Variants in BCLAF3 observed in about 807,000 individuals in gnomAD.
BCLAF3 encodes BCLAF1 and THRAP3 family member 3.
Under a neutral mutation model 51.2 loss-of-function variants are expected in BCLAF3, and 24 were observed. That is an observed-to-expected ratio of 0.47 (90% confidence interval 0.34 to 0.66). The LOEUF (loss-of-function observed/expected upper bound fraction) is 0.66. Among genes scored for constraint, BCLAF3 ranks in the 30% least tolerant of loss-of-function variants. The pLI is 0.01. For missense variants in BCLAF3, 465 were observed against 525.1 expected, an observed-to-expected ratio of 0.89 and a Z score of 1.12; for synonymous variants, 152 against 176.6, an observed-to-expected ratio of 0.86 and a Z score of 1.10.
chrX:19,948,699 G>A (rs1308422763), intron 8 of BCLAF3, among the ~76,000 whole-genome samples: 3 of 109,426 alleles, frequency 2.7e-5, no homozygotes, highest in Non-Finnish European at 3.8e-5. Context: ...TGAGCCTCAC[G>A]GAAGGTTGAG....
chrX:19,976,587 C>T (rs2072433300), intron 1 of BCLAF3, among the ~76,000 whole-genome samples: 1 of 111,199 alleles, frequency 9.0e-6, no homozygotes, highest in Non-Finnish European at 1.9e-5. Flanking sequence ...GACGAGGTTT[C>T]ACCACGTTGG....
At chrX:19,925,414 T>C (rs1262722158) in intron 11 of BCLAF3, among the ~76,000 whole-genome samples, 1 of 111,088 alleles carries the variant, frequency 9.0e-6, no homozygotes, top group African/African-American at 3.3e-5. Context: ...CTTTAAGGCA[T>C]ATGGGAATAA....
chrX:19,956,540 C>T lies in BCLAF3; in HGVS notation c.1275-974G>A, dbSNP rs374826198. Among the ~76,000 whole-genome samples, 4 of 111,826 alleles carry T rather than the reference C, an allele frequency of 3.6e-5. No individual in the cohort carries two copies. The South Asian group carries it at 1.5e-3, about 42-fold the overall frequency. ...ACTATACCTTATTCCAAGAATGCTGCACTTGCTTAAAACTACTCAGAAATG... is the reference window on the plus strand; with the variant it reads ...ACTATACCTTATTCCAAGAATGCTGTACTTGCTTAAAACTACTCAGAAATG... On this transcript the variant is annotated intron_variant, in intron 4 of 11. Coordinates refer to ENST00000379682, the MANE Select transcript of BCLAF3 (RefSeq NM_001367774.2).
At position 19,966,522 on chromosome X, in the gene BCLAF3, C is replaced by T. The variant is rs1221888499; in HGVS notation, c.169G>A (p.Gly57Arg). 3.3e-6 allele frequency: 4 copies of T among 1,209,134 alleles called. No individual in the cohort carries two copies. The highest frequency in any genetic ancestry group is 5.9e-5 in the East Asian group (2 of 33,751). The change falls in exon 3 of 12, where the codon GGA (glycine) becomes AGA (arginine). Residue 57 changes from glycine to arginine, a missense_variant. Physicochemically the swap from Gly to Arg is moderately radical, Grantham distance 125. Coordinates refer to ENST00000379682, the MANE Select transcript of BCLAF3 (RefSeq NM_001367774.2). ...VAWRMDSEKH[G>R]QSKPRIPSRG... ...GAGGGAATCCTTGGTTTACTCTGTC[C>T]ATGTTTCTCACTGTCCATTCTCCAC...
intron 1 of BCLAF3, among the ~76,000 whole-genome samples, chrX:19,978,623 G>A (rs1038117666): frequency 1.8e-5 from 2 of 112,262 alleles, no homozygotes; most frequent in Non-Finnish European, 3.8e-5. Flanking sequence ...TTATAAAAAA[G>A]GATTTAGAAT....
intron 8 of BCLAF3, among the ~76,000 whole-genome samples, chrX:19,939,721 T>C (rs1011996564): frequency 8.9e-6 from 1 of 112,396 alleles, no homozygotes; most frequent in Non-Finnish European, 1.9e-5. Flanking sequence ...TGGAATATTA[T>C]TCAGCCTTAA....
chrX:19,951,320 G>A (rs993139255), intron 7 of BCLAF3, among the ~76,000 whole-genome samples: 5 of 111,057 alleles, frequency 4.5e-5, no homozygotes, highest in East Asian at 2.8e-4. Flanking sequence ...TAATTAGGCC[G>A]GGCGCAGTGG....
intron 11 of BCLAF3, among the ~76,000 whole-genome samples, chrX:19,920,614 G>A (rs776531271): frequency 9.0e-5 from 10 of 111,081 alleles, no homozygotes; most frequent in African/African-American, 2.9e-4. Context: ...GAGCCCAGGA[G>A]TTCGAGACCA....
intron 4 of BCLAF3, among the ~76,000 whole-genome samples, chrX:19,957,023 G>A (rs1239119596): frequency 8.9e-6 from 1 of 111,915 alleles, no homozygotes; most frequent in Non-Finnish European, 1.9e-5. Context: ...CTAATAAAAT[G>A]GTTTTGAGTG....
chrX:19,941,495 G>C (rs1603307752), intron 8 of BCLAF3, among the ~76,000 whole-genome samples: 1 of 103,890 alleles, frequency 9.6e-6, no homozygotes, highest in Non-Finnish European at 1.9e-5. Flanking sequence ...CATATGGCTA[G>C]CCAGTTTTCC....
In BCLAF3 at chrX:19,973,397, GA is replaced by G. The variant is rs766538775; in HGVS notation, c.-34-3100del. The stretch of plus-strand genomic sequence containing the variant: ...TATCAGTTTTATTTATAATAGGAAA[GA>G]AAAAAAGCTCAAGAAAACTAATAAC... On this transcript the variant is annotated intron_variant, in intron 1 of 11. Coordinates refer to ENST00000379682, the MANE Select transcript of BCLAF3 (RefSeq NM_001367774.2). Among the ~76,000 whole-genome samples the G allele has an allele frequency of 1.9e-4, 21 of 111,315 alleles. No individual in the cohort carries two copies. In the East Asian group the frequency reaches 2.8e-3, roughly 15 times the overall value.
chrX:19,971,016 A>C (rs1034119784), intron 1 of BCLAF3, among the ~76,000 whole-genome samples: 1 of 112,497 alleles, frequency 8.9e-6, no homozygotes, highest in Non-Finnish European at 1.9e-5. Context: ...ATCACAGTTT[A>C]AATGTTTAGG....
intron 4 of BCLAF3, 35 bp downstream of exon 4, chrX:19,965,006 CATT>C: frequency 9.6e-7 from 1 of 1,040,027 alleles, no homozygotes; most frequent in Non-Finnish European, 1.3e-6. Context: ...ATTGTAGAAA[CATT>C]ATTAAATATC....
intron 11 of BCLAF3, among the ~76,000 whole-genome samples, chrX:19,926,223 C>T (rs1012530631): frequency 1.8e-5 from 2 of 111,612 alleles, no homozygotes; most frequent in African/African-American, 3.3e-5. Context: ...TGTGTTGAGA[C>T]ACTGCTAATG....
chrX:19,940,517 G>A (rs1228110807), intron 8 of BCLAF3, among the ~76,000 whole-genome samples: 17 of 110,228 alleles, frequency 1.5e-4, no homozygotes, highest in South Asian at 3.8e-4. Context: ...GAGAATATGC[G>A]GTGTTTGGTT....
intron 11 of BCLAF3, among the ~76,000 whole-genome samples, chrX:19,918,678 C>A (rs148542247): frequency 0.023 from 2,431 of 106,106 alleles, 88 homozygotes; most frequent in African/African-American, 0.08. Flanking sequence ...GTAGCTGGGA[C>A]TACAGGCACA....
At chrX:19,982,962 T>C (rs1259033563) in intron 1 of BCLAF3, among the ~76,000 whole-genome samples, 1 of 97,731 alleles carries the variant, frequency 1.0e-5, no homozygotes, top group East Asian at 3.2e-4. Context: ...TTTTTTCTTT[T>C]TTTTTTTTTT....
intron 10 of BCLAF3, 191 bp downstream of exon 10, chrX:19,935,618 G>A: frequency 2.8e-6 from 1 of 363,446 alleles, no homozygotes; most frequent in East Asian, 4.3e-5. Flanking sequence ...AAAAAAAATT[G>A]AAAATCAAGT....
chrX:19,970,918 A>C (rs2072235408), intron 1 of BCLAF3, among the ~76,000 whole-genome samples: 1 of 111,689 alleles, frequency 9.0e-6, no homozygotes, highest in Non-Finnish European at 1.9e-5. Context: ...GTATTCCAAA[A>C]AGAGGAAAAA....
Sources: gnomAD v4.1 joint callset for allele counts (sites outside exome capture counted in the v4.1 genomes callset) on GRCh38, gnomAD v4.1.1 for gene constraint, MANE v1.5 for transcripts, NCBI Gene and HGNC (gene_info 2026-07-23, HGNC 2026-07-21) for gene names.